MAP3K20: variants seen among roughly 807,000 people sequenced by gnomAD.
The protein encoded by MAP3K20 is mitogen-activated protein kinase kinase kinase 20.
Under a neutral mutation model 85.7 loss-of-function variants are expected in MAP3K20, and 40 were observed. The ratio of observed to expected loss-of-function variants is 0.47; its 90% CI spans 0.36 to 0.61. The LOEUF is 0.61. Among genes scored for constraint, MAP3K20 ranks in the 20% least tolerant of loss-of-function variants. The pLI, the probability that MAP3K20 is intolerant of heterozygous loss-of-function variation, is 0.00. For synonymous variants in MAP3K20, 325 were observed against 327.7 expected (o/e 0.99, Z 0.09); for missense variants, 817 against 961.7 (o/e 0.85, Z 1.99).
intron 11 of MAP3K20, among the ~76,000 whole-genome samples, chr2:173,219,551 A>C (rs1684173115): frequency 6.6e-6 from 1 of 152,224 alleles, no homozygotes; most frequent in South Asian, 2.1e-4. Flanking sequence ...GAGACTATCT[A>C]ACAATTGAAA....
At chr2:173,215,051 T>A (rs894803931) in intron 10 of MAP3K20, among the ~76,000 whole-genome samples, 1 of 152,234 alleles carries the variant, frequency 6.6e-6, no homozygotes, top group African/African-American at 2.4e-5. Context: ...TAACTCTTGA[T>A]CTGTTTTCTG....
chr2:173,189,910 A>G (rs1345627696), intron 5 of MAP3K20, among the ~76,000 whole-genome samples: 1 of 152,074 alleles, frequency 6.6e-6, no homozygotes. Flanking sequence ...AGATGTCCTC[A>G]TCTGTCTCCT....
At chr2:173,190,684 C>T (rs1157200282) in intron 5 of MAP3K20, among the ~76,000 whole-genome samples, 1 of 152,176 alleles carries the variant, frequency 6.6e-6, no homozygotes, top group Admixed American at 6.5e-5. Flanking sequence ...ACAAGTGTCT[C>T]AGAAGCCTTT....
At chr2:173,194,023 G>A (rs1486204619) in intron 7 of MAP3K20, among the ~76,000 whole-genome samples, 1 of 152,096 alleles carries the variant, frequency 6.6e-6, no homozygotes. Context: ...CATGTGATGT[G>A]GAATATCAAT....
intron 2 of MAP3K20, among the ~76,000 whole-genome samples, chr2:173,110,018 C>T (rs1043721934): frequency 6.6e-6 from 1 of 151,102 alleles, no homozygotes; most frequent in African/African-American, 2.4e-5. Flanking sequence ...GGGGATGGGA[C>T]GTGATGTATT....
intron 1 of MAP3K20, among the ~76,000 whole-genome samples, chr2:173,081,199 T>C (rs1288713630): frequency 2.0e-5 from 3 of 151,968 alleles, no homozygotes; most frequent in African/African-American, 4.8e-5. Flanking sequence ...ATTTTTTTTT[T>C]TTTTTTTTTT....
In MAP3K20 at chr2:173,217,112, C is replaced by A; in HGVS notation, c.852-3C>A. On this transcript the variant is annotated splice_region_variant and splice_polypyrimidine_tract_variant and intron_variant, in intron 10 of 19. Coordinates refer to ENST00000375213, the MANE Select transcript of MAP3K20 (RefSeq NM_016653.3). Reference sequence around the variant, plus strand: ...GAGACTTACACCAGCTATCCCCGTGCAGGTGCGAAATTGAGGCAACTCTTG... The same window carrying A: ...GAGACTTACACCAGCTATCCCCGTGAAGGTGCGAAATTGAGGCAACTCTTG... 6.5e-7 allele frequency: 1 copy of A among 1,549,648 alleles called. No individual in the cohort carries two copies. Among genetic ancestry groups the A allele is most frequent in the Non-Finnish European group, 8.7e-7 (1 of 1,146,824 alleles).
At position 173,190,932 on chromosome 2, in the gene MAP3K20, ATTTCTT is replaced by A. The variant is rs763422856; in HGVS notation, c.444+12_444+17del. ...CTGATGGAGTATTGAAGGTAGGACT[ATTTCTT>A]TTACTTAAAAAAATTGTTAATTTCA... On this transcript the variant is annotated intron_variant, in intron 6 of 19. Transcript: ENST00000375213. 10 of 1,604,350 alleles carry A rather than the reference ATTTCTT, an allele frequency of 6.2e-6. No individual in the cohort carries two copies. The East Asian group carries it at 2.0e-4, about 32-fold the overall frequency.
At chr2:173,075,546 C>T (rs897726248), upstream of MAP3K20, 2 of 165,324 alleles carry the variant, frequency 1.2e-5, no homozygotes, top group African/African-American at 4.8e-5. Flanking sequence ...TTTGCGTCCC[C>T]AGCGCCTGTT....
intron 2 of MAP3K20, among the ~76,000 whole-genome samples, chr2:173,098,691 C>T (rs771739722): frequency 1.8e-4 from 28 of 152,236 alleles, no homozygotes; most frequent in Non-Finnish European, 4.0e-4. Flanking sequence ...AGCATCTCCA[C>T]ATGCCTAGTC....
chr2:173,263,689 G>C, intron 18 of MAP3K20, 56 bp from the exon 19 acceptor site: 1 of 1,527,856 alleles, frequency 6.5e-7, no homozygotes, highest in South Asian at 1.2e-5. Flanking sequence ...GTGTCTATTT[G>C]GTCATATGTT....
intron 16 of MAP3K20, among the ~76,000 whole-genome samples, chr2:173,251,622 G>A (rs1339618722): frequency 3.9e-5 from 6 of 152,186 alleles, no homozygotes; most frequent in Non-Finnish European, 8.8e-5. Flanking sequence ...ATAGAAGCTG[G>A]AACAGTGTCC....
chr2:173,182,945 T>C lies in MAP3K20; in HGVS notation c.339T>C (p.Asp113=). 1 of 1,607,670 alleles carries C rather than the reference T, an allele frequency of 6.2e-7. No homozygotes were observed. Among genetic ancestry groups the C allele is most frequent in the Non-Finnish European group, 8.5e-7 (1 of 1,177,410 alleles). ...ATCACATTATGACCTGGGCCACTGA[T>C]GTAGCCAAAGGTAATAATATTTGGT... ...DMDHIMTWAT[D]VAKGMHYLHM... is the part of the protein sequence containing the mutation. Residue 113 remains aspartate (D), a synonymous_variant, in exon 4 of 20, where the codon GAT becomes GAC. Coordinates refer to ENST00000375213, the MANE Select transcript of MAP3K20 (RefSeq NM_016653.3).
At chr2:173,265,214 G>C (rs1213527405) in intron 19 of MAP3K20, among the ~76,000 whole-genome samples, 1 of 152,204 alleles carries the variant, frequency 6.6e-6, no homozygotes, top group East Asian at 1.9e-4. Context: ...TGCGTGAGCA[G>C]GGGGTGGAGT....
intron 16 of MAP3K20, among the ~76,000 whole-genome samples, chr2:173,245,418 A>G (rs1051421203): frequency 6.6e-6 from 1 of 152,156 alleles, no homozygotes; most frequent in Non-Finnish European, 1.5e-5. Context: ...TAGTCTTCAC[A>G]GCCACATCCC....
chr2:173,127,730 T>G (rs1688483209), intron 2 of MAP3K20, among the ~76,000 whole-genome samples: 1 of 108,308 alleles, frequency 9.2e-6, no homozygotes, highest in African/African-American at 5.8e-5. Context: ...TTATCCTATG[T>G]TAGGACAAAA....
chr2:173,174,689 T>G (rs1034300958), intron 3 of MAP3K20, among the ~76,000 whole-genome samples: 1 of 152,214 alleles, frequency 6.6e-6, no homozygotes, highest in African/African-American at 2.4e-5. Flanking sequence ...GTCTTTATAG[T>G]AGAATGATTT....
chr2:173,237,928 G>T (rs1181180738), intron 14 of MAP3K20, among the ~76,000 whole-genome samples: 19 of 152,144 alleles, frequency 1.2e-4, no homozygotes, highest in Non-Finnish European at 1.5e-5. Flanking sequence ...CACTTTGAGA[G>T]GCCAAGGCAG....
chr2:173,111,716 T>C (rs538759636), intron 2 of MAP3K20, among the ~76,000 whole-genome samples: 1 of 152,174 alleles, frequency 6.6e-6, no homozygotes, highest in South Asian at 2.1e-4. Flanking sequence ...TTTGCTTTGT[T>C]GACGATCAGT....
Sources: allele counts gnomAD v4.1 joint callset (sites outside exome capture counted in the v4.1 genomes callset), GRCh38; gene constraint gnomAD v4.1.1; transcripts MANE v1.5; gene names NCBI Gene and HGNC (gene_info 2026-07-23, HGNC 2026-07-21).